BMPR1B: variants seen among roughly 807,000 people sequenced by gnomAD.
The protein encoded by BMPR1B is bone morphogenetic protein receptor type 1B.
Under a neutral mutation model 59.1 loss-of-function variants are expected in BMPR1B, and 12 were observed. The observed-to-expected ratio is 0.20, with a 90% CI of 0.13 to 0.33. The LOEUF is 0.33. BMPR1B is among the 10% of genes least tolerant of loss of function. The probability of loss-of-function intolerance (pLI) is 1.00; values close to 1 mark genes in which losing one functional copy is unlikely to be tolerated. For synonymous variants in BMPR1B, 237 were observed against 207.3 expected, an observed-to-expected ratio of 1.14 and a Z score of -1.23; for missense variants, 550 against 610.9, an observed-to-expected ratio of 0.90 and a Z score of 1.05.
chr4:94,889,499 G>C (rs1727307044), intron 2 of BMPR1B, among the ~76,000 whole-genome samples: 1 of 152,094 alleles, frequency 6.6e-6, no homozygotes, highest in Admixed American at 6.6e-5. Context: ...CTGTACTGCT[G>C]TAGTTTTAAT....
intron 2 of BMPR1B, among the ~76,000 whole-genome samples, chr4:94,975,357 G>GTTTTTTTTTTTTTTTTTTTTTTTTTTTT (rs1177887549): frequency 1.1e-5 from 1 of 94,220 alleles, no homozygotes; most frequent in African/African-American, 4.6e-5. Flanking sequence ...ATTTCCTTTT[G>GTTTTTTTTTTTTTTTTTTTTTTTTTTTT]TTTTTGTTTT....
chr4:95,140,790 G>T (rs749410013), intron 10 of BMPR1B, among the ~76,000 whole-genome samples: 1 of 152,220 alleles, frequency 6.6e-6, no homozygotes, highest in Non-Finnish European at 1.5e-5. Flanking sequence ...ATCAATAAAT[G>T]TAGGCAATAG....
intron 2 of BMPR1B, among the ~76,000 whole-genome samples, chr4:94,931,723 C>T (rs1463911299): frequency 2.6e-5 from 4 of 152,096 alleles, no homozygotes; most frequent in South Asian, 2.1e-4. Context: ...ACTGTCTTCA[C>T]GTGTCACCTA....
intron 1 of BMPR1B, among the ~76,000 whole-genome samples, chr4:94,859,047 T>C (rs1480778496): frequency 6.6e-6 from 1 of 152,222 alleles, no homozygotes; most frequent in Non-Finnish European, 1.5e-5. Flanking sequence ...ATTTTATTAA[T>C]GCAAGACTTT....
intron 1 of BMPR1B, among the ~76,000 whole-genome samples, chr4:94,860,782 A>C (rs1306795319): frequency 6.6e-6 from 1 of 151,996 alleles, no homozygotes; most frequent in Non-Finnish European, 1.5e-5. Flanking sequence ...GTGCCAGTGC[A>C]TCCTACAAGA....
intron 1 of BMPR1B, among the ~76,000 whole-genome samples, chr4:94,819,555 C>T (rs1330478880): frequency 6.6e-6 from 1 of 152,164 alleles, no homozygotes; most frequent in South Asian, 2.1e-4. Flanking sequence ...TTTCATCAGC[C>T]CTCTAGTCAC....
intron 2 of BMPR1B, among the ~76,000 whole-genome samples, chr4:94,879,470 G>A (rs1471652204): frequency 1.3e-5 from 2 of 152,082 alleles, no homozygotes; most frequent in Non-Finnish European, 2.9e-5. Flanking sequence ...AGGTGTGCTG[G>A]GGTGTGCCTG....
At chr4:95,092,952 A>G (rs1209842102) in intron 3 of BMPR1B, among the ~76,000 whole-genome samples, 1 of 152,186 alleles carries the variant, frequency 6.6e-6, no homozygotes, top group Non-Finnish European at 1.5e-5. Flanking sequence ...ACTGCTGAAT[A>G]AAACCATAGC....
At chr4:94,817,186 G>T (rs1186025100) in intron 1 of BMPR1B, among the ~76,000 whole-genome samples, 9 of 152,110 alleles carry the variant, frequency 5.9e-5, no homozygotes, top group Non-Finnish European at 1.5e-5. Context: ...CCAGCTTCCG[G>T]AACTGTGAGA....
intron 3 of BMPR1B, among the ~76,000 whole-genome samples, chr4:95,031,027 G>T (rs964966744): frequency 1.3e-5 from 2 of 151,638 alleles, no homozygotes; most frequent in African/African-American, 4.8e-5. Flanking sequence ...CTACTTTAAA[G>T]TTCATATGGA....
intron 2 of BMPR1B, among the ~76,000 whole-genome samples, chr4:94,879,917 T>G (rs1726892536): frequency 6.6e-6 from 1 of 152,180 alleles, no homozygotes; most frequent in African/African-American, 2.4e-5. Context: ...ATATGGATCG[T>G]TTGGAATTCC....
chr4:94,784,516 A>G lies in BMPR1B; in HGVS notation c.-183+26448A>G, dbSNP rs116767023. ...TTTTCTCTTTTGTGTAAACTTTTTA[A>G]AATTTTTTCTTTTTTTTGTTTGGTA... On this transcript the variant is annotated intron_variant, in intron 1 of 12. Transcript: ENST00000515059. Among the ~76,000 whole-genome samples the G allele has an allele frequency of 7.5e-3, 1,143 of 152,092 alleles. 15 individuals are homozygous for G. Among genetic ancestry groups the G allele is most frequent in the African/African-American group, 0.026 (1,095 of 41,492 alleles).
chr4:95,086,138 C>T (rs573477079), intron 3 of BMPR1B, among the ~76,000 whole-genome samples: 1 of 152,222 alleles, frequency 6.6e-6, no homozygotes, highest in East Asian at 1.9e-4. Context: ...AAAGCTATGA[C>T]TATTAGGTCA....
intron 1 of BMPR1B, among the ~76,000 whole-genome samples, chr4:94,786,626 C>T (rs1485542383): frequency 6.6e-6 from 1 of 152,136 alleles, no homozygotes; most frequent in Non-Finnish European, 1.5e-5. Flanking sequence ...GCAAGCTCCG[C>T]CTCCCGGATT....
chr4:95,154,571 C>T lies in BMPR1B; in HGVS notation c.1407C>T (p.Leu469=). Residue 469 remains leucine, a synonymous_variant, in exon 13 of 13, where the codon CTC becomes CTT. Transcript: ENST00000515059. ...AGTGTCTAAGGCAGATGGGAAAACTCATGACAGAATGCTGGGCTCACAATC... is the reference window on the plus strand; with the variant it reads ...AGTGTCTAAGGCAGATGGGAAAACTTATGACAGAATGCTGGGCTCACAATC... The part of the protein sequence containing the change: ...SDECLRQMGK[L]MTECWAHNPA... 1 of 1,614,114 alleles carries T rather than the reference C, an allele frequency of 6.2e-7. No homozygotes were observed.
intron 1 of BMPR1B, among the ~76,000 whole-genome samples, chr4:94,868,754 AT>A (rs564572849): frequency 3.7e-4 from 56 of 152,324 alleles, no homozygotes; most frequent in African/African-American, 1.3e-3. Context: ...AGCATAATGC[AT>A]TTGACTTATT....
intron 1 of BMPR1B, among the ~76,000 whole-genome samples, chr4:94,870,973 T>C (rs1246248702): frequency 6.6e-6 from 1 of 151,828 alleles, no homozygotes; most frequent in Non-Finnish European, 1.5e-5. Flanking sequence ...CAGACACTTA[T>C]CTGTAAATGA....
Position 94,787,158 on chromosome 4 carries a change from T to C in BMPR1B, c.-183+29090T>C, listed in dbSNP as rs147259800. Among the ~76,000 whole-genome samples the C allele has an allele frequency of 4.3e-3, 658 of 152,018 alleles. 6 individuals carry two copies. The highest frequency in any genetic ancestry group is 0.015 in the African/African-American group (634 of 41,456). On this transcript the variant is annotated intron_variant, in intron 1 of 12. Transcript: ENST00000515059. ...GATGGCAGATGGGTCATCTTGGAGG[T>C]CTTGGACCTTAAAAGACGTACTAAA...
At chr4:94,976,227 G>A (rs1731028629) in intron 2 of BMPR1B, among the ~76,000 whole-genome samples, 2 of 152,126 alleles carry the variant, frequency 1.3e-5, no homozygotes, top group South Asian at 2.1e-4. Flanking sequence ...AGTATATATG[G>A]CAGCTGAATA....
Sources: allele counts gnomAD v4.1 joint callset (sites outside exome capture counted in the v4.1 genomes callset), GRCh38; gene constraint gnomAD v4.1.1; transcripts MANE v1.5; gene names NCBI Gene and HGNC (gene_info 2026-07-23, HGNC 2026-07-21).